MCM3AP: variants seen among roughly 807,000 people sequenced by gnomAD.
The protein encoded by MCM3AP is germinal-center associated nuclear protein.
MCM3AP carries 126 observed loss-of-function variants against 184.1 expected under a neutral mutation model. The observed-to-expected ratio is 0.68, with a 90% CI of 0.59 to 0.79. The LOEUF (loss-of-function observed/expected upper bound fraction) is 0.79, where lower values mean the gene tolerates loss of function less well. MCM3AP is among the 30% of genes least tolerant of loss of function. MCM3AP has a pLI of 0.00. For synonymous variants in MCM3AP, 1,002 were observed against 979.3 expected (o/e 1.02, Z -0.43); for missense variants, 2,496 against 2,479.2 (o/e 1.01, Z -0.14).
chr21:46,266,684 G>A (rs1271025511), intron 10 of MCM3AP: 14 of 367,460 alleles, frequency 3.8e-5, no homozygotes, highest in Non-Finnish European at 5.0e-6. Flanking sequence ...GGCTGGCAAA[G>A]GCAGTCAAGG....
At chr21:46,249,176 C>T (rs1172017828) in intron 20 of MCM3AP, among the ~76,000 whole-genome samples, 1 of 152,010 alleles carries the variant, frequency 6.6e-6, no homozygotes, top group East Asian at 1.9e-4. Context: ...GACAGTGGAG[C>T]AAAACTGGAA....
In MCM3AP at chr21:46,240,220, T is replaced by A. The variant is rs115985906; in HGVS notation, c.5633+591A>T. 1.8e-3 allele frequency among the ~76,000 whole-genome samples: 277 copies of A among 152,296 alleles called. 3 individuals are homozygous for A. The highest frequency in any genetic ancestry group is 6.5e-3 in the African/African-American group (268 of 41,550). ...CTGACTACGAGCTGCATGGTTCGTT[T>A]CCAGCAACAAGAGGCGTCAGGAAGG... On this transcript the variant is annotated intron_variant, in intron 26 of 27. Coordinates refer to ENST00000291688, the MANE Select transcript of MCM3AP (RefSeq NM_003906.5).
At chr21:46,246,451 A>C in intron 21 of MCM3AP, 47 bp from the exon 22 acceptor site, 1 of 1,365,212 alleles carries the variant, frequency 7.3e-7, no homozygotes, top group South Asian at 1.2e-5. Flanking sequence ...TGCTGTCAGC[A>C]CACCTGCTAA....
chr21:46,246,966 A>G, intron 20 of MCM3AP, 80 bp from the exon 21 acceptor site: 2 of 1,475,318 alleles, frequency 1.4e-6, no homozygotes, highest in Middle Eastern at 2.1e-4. Context: ...GAGCAAGTGC[A>G]GCCAAAGCTC....
In MCM3AP at chr21:46,284,981, T is replaced by C. The variant is rs142835696; in HGVS notation, c.306A>G (p.Ser102=). 9 of 1,614,044 alleles carry C rather than the reference T, an allele frequency of 5.6e-6. No homozygotes were observed. In the African/African-American group the frequency reaches 9.3e-5, roughly 17 times the overall value. The change falls in exon 1 of 28, where the codon TCA becomes TCG. Residue 102 remains serine, a synonymous_variant. Coordinates refer to ENST00000291688, the MANE Select transcript of MCM3AP (RefSeq NM_003906.5). ...TFVATSGPSS[S]SVLGNTGFSF... ...TAAATCCTGTGTTTCCCAGCACAGA[T>C]GAACTTGAAGGCCCAGAGGTAGCCA...
Position 46,266,052 on chromosome 21 carries a change from T to C in MCM3AP, c.2904A>G (p.Gly968=). The C allele has an allele frequency of 6.2e-7, 1 of 1,612,260 alleles. No homozygotes were observed. Among genetic ancestry groups the C allele is most frequent in the South Asian group, 1.1e-5 (1 of 90,278 alleles). Residue 968 remains glycine (G), a synonymous_variant, in exon 11 of 28, where the codon GGA becomes GGG. Transcript: ENST00000291688. ...LTVSVGEIVN[G]GPLPPVPRHT... ...GACGAGGGACGGGGGGCAATGGCCC[T>C]CCGTTCACAATTTCCCCGACTGACA...
rs2081109272 is a variant in MCM3AP at position 46,266,124 on chromosome 21, T to C, written c.2832A>G (p.Gly944=). The C allele has an allele frequency of 6.2e-7, 1 of 1,611,586 alleles. No homozygotes were observed. The change falls in exon 11 of 28, where the codon GGA becomes GGG. Residue 944 remains glycine, a synonymous_variant. Transcript: ENST00000291688. ...LNRSAFLEPE[G]LSKTRKSVFI... is the part of the protein sequence containing the mutation. ...ACACCGACTTCCTGGTCTTGGATAATCCCTCTGGTTCCAGGAATGCAGACC... is the reference window on the plus strand; with the variant it reads ...ACACCGACTTCCTGGTCTTGGATAACCCCTCTGGTTCCAGGAATGCAGACC...
chr21:46,272,772 T>C lies in MCM3AP; in HGVS notation c.2254A>G (p.Thr752Ala), dbSNP rs762646054. 2 of 1,613,236 alleles carry C rather than the reference T, an allele frequency of 1.2e-6. No homozygotes were observed. Among genetic ancestry groups the C allele is most frequent in the East Asian group, 2.2e-5 (1 of 44,862 alleles). ...TGGGCACAGTGGATGTGAAACCGGG[T>C]GCACTTCTCAATCAGGGACACCGTC... ...PLTVSLIEKC[T>A]RFHIHCAHFM... Residue 752 changes from threonine to alanine, a missense_variant, in exon 8 of 28, where the codon ACC (threonine) becomes GCC (alanine). By Grantham distance (58) the Thr-to-Ala change is moderately conservative. This residue lies in a region of MCM3AP where 105 missense variants were observed against 97.1 expected (regional missense o/e 1.08). Coordinates refer to ENST00000291688, the MANE Select transcript of MCM3AP (RefSeq NM_003906.5).
intron 17 of MCM3AP, among the ~76,000 whole-genome samples, chr21:46,255,440 G>A (rs2080935907): frequency 6.6e-6 from 1 of 152,098 alleles, no homozygotes; most frequent in African/African-American, 2.4e-5. Flanking sequence ...TTGTGGTGCT[G>A]AGGACACGAT....
At chr21:46,257,080 G>A in intron 16 of MCM3AP, 94 bp from the exon 17 acceptor site, 2 of 1,485,626 alleles carry the variant, frequency 1.3e-6, no homozygotes, top group Non-Finnish European at 9.0e-7. Flanking sequence ...GGGAAGGAAG[G>A]ACATCAAATG....
Position 46,283,771 on chromosome 21 carries a change from C to A in MCM3AP, c.1287G>T (p.Leu429Phe). ...GGATGGCTGTGACTTCAGAGGGAGA[C>A]AAGCCCCCAAGACTGTCTGTGCTCT... Reference protein sequence around the residue: ...RSESTDSLGGLSPSEVTAIQC... With the variant: ...RSESTDSLGGFSPSEVTAIQC... The change falls in exon 2 of 28, where the codon TTG becomes TTT. Residue 429 changes from leucine to phenylalanine, a missense_variant. Leu to Phe is a conservative substitution (Grantham distance 22). Transcript: ENST00000291688. 1 of 1,614,140 alleles carries A rather than the reference C, an allele frequency of 6.2e-7. No homozygotes were observed. The highest frequency in any genetic ancestry group is 8.5e-7 in the Non-Finnish European group (1 of 1,180,000).
chr21:46,263,111 C>T (rs992935858), intron 13 of MCM3AP, among the ~76,000 whole-genome samples: 12 of 150,006 alleles, frequency 8.0e-5, no homozygotes, highest in East Asian at 2.0e-4. Context: ...GGGCGGATCA[C>T]GAGGTCAGGA....
rs911365267 is a variant in MCM3AP at position 46,273,418 on chromosome 21, G to A, written c.2166C>T (p.Phe722=). ...GTATGCCACGCGTGCGGTTCCACAC[G>A]AAGTCATACCAATCCCGCAGGCTGC... ...KEGSLRDWYD[F]VWNRTRGIRK... The change falls in exon 7 of 28, where the codon TTC becomes TTT. Residue 722 remains phenylalanine, a synonymous_variant. Coordinates refer to ENST00000291688, the MANE Select transcript of MCM3AP (RefSeq NM_003906.5). 11 of 1,614,018 alleles carry A rather than the reference G, an allele frequency of 6.8e-6. No homozygotes were observed. Among genetic ancestry groups the A allele is most frequent in the Admixed American group, 3.3e-5 (2 of 60,022 alleles).
Position 46,270,502 on chromosome 21 carries a change from C to T in MCM3AP, c.2527G>A (p.Ala843Thr). ...NSSEVKFAVQ[A>T]FAALNSNNFV... The stretch of plus-strand genomic sequence containing the variant: ...TTATTACTGTTCAATGCAGCAAAAG[C>T]CTGAACAGCAAATTTCACCTCAGAT... The change falls in exon 9 of 28, where the codon GCT (alanine) becomes ACT (threonine). Residue 843 changes from alanine to threonine, a missense_variant. Physicochemically the swap from Ala to Thr is moderately conservative, Grantham distance 58. This residue lies in a region of MCM3AP where 138 missense variants were observed against 191.9 expected (regional missense o/e 0.72). Transcript: ENST00000291688. 1 of 1,613,712 alleles carries T rather than the reference C, an allele frequency of 6.2e-7. No individual in the cohort carries two copies. Among genetic ancestry groups the T allele is most frequent in the South Asian group, 1.1e-5 (1 of 90,966 alleles).
chr21:46,264,580 A>G (rs1318145571), intron 12 of MCM3AP, among the ~76,000 whole-genome samples: 1 of 152,144 alleles, frequency 6.6e-6, no homozygotes, highest in African/African-American at 2.4e-5. Flanking sequence ...TCTCACAACC[A>G]TGGAGTCGAC....
chr21:46,257,437 T>C (rs2080972086), intron 16 of MCM3AP, among the ~76,000 whole-genome samples: 1 of 122,640 alleles, frequency 8.2e-6, no homozygotes, highest in Admixed American at 1.0e-4. Context: ...ATCACACCAC[T>C]GCACTCCAGG....
chr21:46,256,647 G>A, intron 17 of MCM3AP, 142 bp downstream of exon 17: 3 of 1,036,360 alleles, frequency 2.9e-6, no homozygotes, highest in Non-Finnish European at 4.1e-6. Context: ...CCCTGTGCCT[G>A]TCCTCGCCTC....
intron 20 of MCM3AP, chr21:46,249,612 T>A: frequency 2.2e-6 from 1 of 453,848 alleles, no homozygotes; most frequent in South Asian, 1.6e-5. Context: ...AATAAAATCA[T>A]TTTCATAATG....
rs894926644 is a variant in MCM3AP at position 46,254,962 on chromosome 21, T to A, written c.3933-118A>T. Reference sequence around the variant, plus strand: ...ACACATTTTCTGCCAATGAAACGGGTTAGAGGATTCCTTCATTCCACAAAT... The same window carrying A: ...ACACATTTTCTGCCAATGAAACGGGATAGAGGATTCCTTCATTCCACAAAT... On this transcript the variant is annotated intron_variant, in intron 17 of 27. Coordinates refer to ENST00000291688, the MANE Select transcript of MCM3AP (RefSeq NM_003906.5). 4.1e-6 allele frequency: 3 copies of A among 739,844 alleles called. No individual in the cohort carries two copies. The Admixed American group carries it at 6.0e-5, about 15-fold the overall frequency. 45.8% of individuals were successfully genotyped at this position (739,844 alleles called of 1,614,324 possible).
Sources: gnomAD v4.1 joint callset for allele counts (sites outside exome capture counted in the v4.1 genomes callset) on GRCh38, gnomAD v4.1.1 for gene constraint, gnomAD v4.1.1 regional missense constraint, MANE v1.5 for transcripts, NCBI Gene and HGNC (gene_info 2026-07-23, HGNC 2026-07-21) for gene names.